EWSR1: variants seen among roughly 807,000 people sequenced by gnomAD.
The protein encoded by EWSR1 is EWS RNA binding protein 1, also known as RNA-binding protein EWS.
A neutral mutation model predicts 92.1 loss-of-function variants in EWSR1; 14 were observed. The observed-to-expected ratio is 0.15, with a 90% CI of 0.10 to 0.24. The LOEUF (loss-of-function observed/expected upper bound fraction) is 0.24. Ranked by LOEUF, EWSR1 falls within the 10% of genes least tolerant of loss-of-function variation. The pLI is 1.00. For missense variants in EWSR1, 637 were observed against 870.9 expected (o/e 0.73, Z 3.38); for synonymous variants, 303 against 292.9 (o/e 1.03, Z -0.35).
At chr22:29,272,285 G>A in intron 2 of EWSR1, 33 bp downstream of exon 2, 1 of 1,613,738 alleles carries the variant, frequency 6.2e-7, no homozygotes, top group Non-Finnish European at 8.5e-7. Context: ...TATTTTGTGT[G>A]TGATTAATAT....
At chr22:29,290,332 T>C in intron 8 of EWSR1, 1 of 1,414,452 alleles carries the variant, frequency 7.1e-7, no homozygotes, top group Non-Finnish European at 9.7e-7. Flanking sequence ...CCCTTTTTCA[T>C]TGCCTCAGTA....
chr22:29,292,776 T>TG (rs2060536107), intron 11 of EWSR1, among the ~76,000 whole-genome samples, 170 bp downstream of exon 11: 1 of 151,172 alleles, frequency 6.6e-6, no homozygotes, highest in African/African-American at 2.4e-5. Flanking sequence ...TTTTTTTTTT[T>TG]TTTTTGAGAC....
At chr22:29,297,131 T>C (rs368450712) in intron 12 of EWSR1, among the ~76,000 whole-genome samples, 1 of 152,234 alleles carries the variant, frequency 6.6e-6, no homozygotes, top group African/African-American at 2.4e-5. Context: ...TTCCTCCTTA[T>C]GGTAGACAGT....
intron 8 of EWSR1, chr22:29,291,275 T>G: frequency 2.7e-6 from 1 of 375,138 alleles, no homozygotes; most frequent in Non-Finnish European, 4.8e-6. Context: ...GGTGGGTGTT[T>G]GGGATCTATT....
chr22:29,276,602 T>C (rs1569058787), intron 4 of EWSR1: 1 of 226,952 alleles, frequency 4.4e-6, no homozygotes. Flanking sequence ...ATTTTAAATA[T>C]GGAAGCTTTT....
chr22:29,296,135 TTACTACA>T, intron 11 of EWSR1, 97 bp from the exon 12 acceptor site: 1 of 1,137,048 alleles, frequency 8.8e-7, no homozygotes, highest in Non-Finnish European at 1.2e-6. Flanking sequence ...ATTTAGTGAC[TTACTACA>T]TGTGAGAAAT....
rs761231681 is a variant in EWSR1, at chr22:29,287,177, T to C, written c.793+43T>C. The C allele has an allele frequency of 1.1e-5, 17 of 1,577,546 alleles. No homozygotes were observed. In the African/African-American group the frequency reaches 1.8e-4, roughly 16 times the overall value. On this transcript the variant is annotated intron_variant, in intron 7 of 16. Transcript: ENST00000397938. ...AAAACCAAATAAGAATGAATGTGTTTAGAGTTTTTTTGTGGGGTTGATTTT... is the reference window on the plus strand; with the variant it reads ...AAAACCAAATAAGAATGAATGTGTTCAGAGTTTTTTTGTGGGGTTGATTTT...
chr22:29,297,598 T>C (rs555231977), intron 12 of EWSR1, among the ~76,000 whole-genome samples: 1 of 152,252 alleles, frequency 6.6e-6, no homozygotes, highest in African/African-American at 2.4e-5. Context: ...GGAGGATTGC[T>C]TGAGCAAGTG....
chr22:29,282,309 A>T (rs1041808043), intron 5 of EWSR1, 81 bp from the exon 6 acceptor site: 94 of 1,126,692 alleles, frequency 8.3e-5, no homozygotes, highest in Non-Finnish European at 1.1e-4. Context: ...GCTTTGTAGC[A>T]TTCTTACCCA....
chr22:29,272,116 TTTAAAGAATTC>T, intron 1 of EWSR1, 89 bp from the exon 2 acceptor site: 1 of 1,093,808 alleles, frequency 9.1e-7, no homozygotes, highest in Non-Finnish European at 1.4e-6. Flanking sequence ...CTCCCTACAG[TTTAAAGAATTC>T]TTCCTGCCAC....
At chr22:29,288,520 T>G in intron 7 of EWSR1, 86 bp from the exon 8 acceptor site, 4 of 1,347,188 alleles carry the variant, frequency 3.0e-6, no homozygotes, top group Non-Finnish European at 4.1e-6. Flanking sequence ...GCCTTGGAAT[T>G]GAGGATTTTG....
chr22:29,296,026 C>G (rs952951792), intron 11 of EWSR1: 1 of 519,034 alleles, frequency 1.9e-6, no homozygotes, highest in Non-Finnish European at 3.4e-6. Flanking sequence ...ATCCTGTTCA[C>G]TTCCACACTT....
intron 9 of EWSR1, 115 bp from the exon 10 acceptor site, chr22:29,292,022 G>C (rs1020598645): frequency 6.5e-6 from 6 of 924,838 alleles, no homozygotes; most frequent in Non-Finnish European, 7.2e-6. Context: ...GTCATTTTGA[G>C]TTTAATGAAT....
intron 8 of EWSR1, 77 bp from the exon 9 acceptor site, chr22:29,291,485 C>T: frequency 1.4e-6 from 2 of 1,445,918 alleles, no homozygotes; most frequent in Non-Finnish European, 1.9e-6. Context: ...CCCTTCTTCC[C>T]CACGAGCCCC....
rs2060903507 is a variant in EWSR1, at chr22:29,296,885, AT to A, written c.1294+518del. On this transcript the variant is annotated intron_variant, in intron 12 of 16. Coordinates refer to ENST00000397938, the MANE Select transcript of EWSR1 (RefSeq NM_005243.4). ...GCAAAACCCTGTCTCTACAAAAAAA[AT>A]ACAAAAATTAGCCAGGTGTTGTGGC... Among the ~76,000 whole-genome samples the A allele has an allele frequency of 2.0e-5, 3 of 152,270 alleles. No homozygotes were observed. The South Asian group carries it at 6.2e-4, about 32-fold the overall frequency.
At chr22:29,282,620 C>G in intron 6 of EWSR1, 63 bp downstream of exon 6, 1 of 1,409,928 alleles carries the variant, frequency 7.1e-7, no homozygotes, top group South Asian at 1.6e-5. Flanking sequence ...AGGTTGTTGA[C>G]CAGCTTGCTT....
chr22:29,271,801 C>G (rs181074660), intron 1 of EWSR1, among the ~76,000 whole-genome samples: 13 of 152,242 alleles, frequency 8.5e-5, no homozygotes, highest in Admixed American at 7.8e-4. Context: ...CGTAACCAAT[C>G]TAGTGTTAAA....
chr22:29,296,803 G>A (rs1310683867), intron 12 of EWSR1, among the ~76,000 whole-genome samples: 1 of 152,164 alleles, frequency 6.6e-6, no homozygotes, highest in Non-Finnish European at 1.5e-5. Context: ...CACTTTGGGA[G>A]GCCAACATCG....
chr22:29,292,891 G>A (rs2060550566), intron 11 of EWSR1, among the ~76,000 whole-genome samples: 2 of 151,732 alleles, frequency 1.3e-5, no homozygotes, highest in Admixed American at 1.3e-4. Context: ...CAAGTAGCTG[G>A]GATTACAGGT....
Sources: allele counts gnomAD v4.1 joint callset (sites outside exome capture counted in the v4.1 genomes callset), GRCh38; gene constraint gnomAD v4.1.1; transcripts MANE v1.5; gene names NCBI Gene and HGNC (gene_info 2026-07-23, HGNC 2026-07-21).